The following ZSCAN29 variants were observed in gnomAD, a reference collection of about 807,000 sequenced individuals.
The protein encoded by ZSCAN29 is zinc finger and SCAN domain-containing protein 29.
Under a neutral mutation model 71.9 loss-of-function variants are expected in ZSCAN29, and 55 were observed. The ratio of observed to expected loss-of-function variants is 0.76; its 90% CI spans 0.62 to 0.96. ZSCAN29 has a LOEUF of 0.96. Ranked by LOEUF, ZSCAN29 falls within the 40% of genes least tolerant of loss-of-function variation. The probability of loss-of-function intolerance (pLI) is 0.00; values close to 1 mark genes in which losing one functional copy is unlikely to be tolerated. For missense variants in ZSCAN29, 1,042 were observed against 1,042.2 expected (o/e 1.00, Z 0.00); for synonymous variants, 351 against 371.6 (o/e 0.94, Z 0.64).
chr15:43,366,430 T>C lies in ZSCAN29; in HGVS notation c.902A>G (p.Lys301Arg). The change falls in exon 4 of 6, where the codon AAG becomes AGG. Residue 301 changes from lysine to arginine, a missense_variant. Lys to Arg is a conservative substitution (Grantham distance 26). Transcript: ENST00000684362. ...ATAGCTCTTCTGGAGACCTTTGAAC[T>C]TGGTCCGACACTGTTCCAGGGTCCG... ...FLRTLEQCRT[K>R]FKGLQKSYRK... is the part of the protein sequence containing the mutation. The C allele has an allele frequency of 6.2e-7, 1 of 1,614,188 alleles. No individual in the cohort carries two copies. The highest frequency in any genetic ancestry group is 8.5e-7 in the Non-Finnish European group (1 of 1,180,040).
chr15:43,367,431 A>G (rs1196353934), intron 3 of ZSCAN29, among the ~76,000 whole-genome samples: 7 of 152,136 alleles, frequency 4.6e-5, no homozygotes, highest in African/African-American at 1.7e-4. Flanking sequence ...TTCAGAACAC[A>G]GCACACTGTT....
chr15:43,364,186 C>A lies in ZSCAN29; in HGVS notation c.1419G>T (p.Arg473=). ...CTGGTGCCTGGCCATTCTTAACTTT[C>A]CGATAGCTGGTTTGCAGGCTTTTAA... ...TKFKSLQTSY[R]KVKNGQAPET... Residue 473 remains arginine (R), a synonymous_variant, in exon 5 of 6, where the codon CGG becomes CGT. Transcript: ENST00000684362. 1 of 1,614,214 alleles carries A rather than the reference C, an allele frequency of 6.2e-7. No homozygotes were observed. The highest frequency in any genetic ancestry group is 8.5e-7 in the Non-Finnish European group (1 of 1,180,042).
chr15:43,366,886 T>C (rs531870555), intron 3 of ZSCAN29, 78 bp from the exon 4 acceptor site: 77 of 1,343,058 alleles, frequency 5.7e-5, no homozygotes, highest in Non-Finnish European at 2.0e-6. Context: ...AGTCCTGCCT[T>C]TTTCATCCAA....
chr15:43,369,361 A>G (rs1284887956), intron 2 of ZSCAN29: 1 of 593,096 alleles, frequency 1.7e-6, no homozygotes, highest in Non-Finnish European at 2.8e-6. Flanking sequence ...AAAAAAAAAA[A>G]TCCCCTTTCT....
intron 4 of ZSCAN29, chr15:43,364,631 G>A: frequency 1.9e-6 from 1 of 537,272 alleles, no homozygotes; most frequent in South Asian, 1.8e-5. Context: ...AAGCTGGCCA[G>A]GCACAGTGGC....
At chr15:43,368,186 G>A (rs117672353) in intron 3 of ZSCAN29, among the ~76,000 whole-genome samples, 1,594 of 152,238 alleles carry the variant, frequency 0.01, 16 homozygotes, top group Non-Finnish European at 0.018. Context: ...ATGATATTTG[G>A]AGAACTTAAA....
intron 5 of ZSCAN29, 35 bp downstream of exon 5, chr15:43,363,880 T>G (rs2044007407): frequency 6.5e-7 from 1 of 1,530,478 alleles, no homozygotes; most frequent in African/African-American, 1.4e-5. Flanking sequence ...TGTCTTCCCT[T>G]TGTTATTTAT....
At chr15:43,364,892 C>CAAAAAAAAAAAAAAAAAAAAA (rs57976198) in intron 4 of ZSCAN29, among the ~76,000 whole-genome samples, 1 of 38,938 alleles carries the variant, frequency 2.6e-5, no homozygotes, top group Admixed American at 2.8e-4. Flanking sequence ...GACTCTGTCT[C>CAAAAAAAAAAAAAAAAAAAAA]AAAAAAAAAA....
At position 43,366,131 on chromosome 15, in the gene ZSCAN29, C is replaced by G; in HGVS notation, c.1201G>C (p.Val401Leu). 3 of 1,612,004 alleles carry G rather than the reference C, an allele frequency of 1.9e-6. No individual in the cohort carries two copies. The highest frequency in any genetic ancestry group is 2.2e-5 in the South Asian group (2 of 90,950). The change falls in exon 4 of 6, where the codon GTT (valine) becomes CTT (leucine). Residue 401 changes from valine to leucine, a missense_variant. Val to Leu is a conservative substitution (Grantham distance 32). Transcript: ENST00000684362. ...TTACCACCTGGGCTTCTGAACACAA[C>G]AGGTGCAGCTGAGTTGGGGTCCTGG... is the stretch of plus-strand genomic sequence containing the variant. The part of the protein sequence containing the change: ...TPQDPNSAAP[V>L]VFRSPGGVHW...
chr15:43,361,444 C>T lies in ZSCAN29; in HGVS notation c.2188G>A (p.Gly730Arg), dbSNP rs1410756533. ...NFITHRRIHT[G>R]EKPYQCGECG... is the part of the protein sequence containing the mutation. ...TCACCACATTGATAAGGTTTCTCTC[C>T]TGTGTGGATTCTCCTATGGGTGATG... The change falls in exon 6 of 6, where the codon GGA becomes AGA. Residue 730 changes from glycine to arginine, a missense_variant. Gly to Arg is a moderately radical substitution (Grantham distance 125). Transcript: ENST00000684362. 8.1e-6 allele frequency: 13 copies of T among 1,613,796 alleles called. No homozygotes were observed. The South Asian group carries it at 1.4e-4, about 18-fold the overall frequency.
In ZSCAN29 at chr15:43,370,975, ACCCCGGCCCCGGCCCCGG is replaced by A. The variant is rs11279953; in HGVS notation, c.-548_-531del. 1.5e-4 allele frequency: 39 copies of A among 259,450 alleles called. No homozygotes were observed. Among genetic ancestry groups the A allele is most frequent in the African/African-American group, 7.6e-4 (34 of 44,480 alleles). 16.1% of individuals were successfully genotyped at this position (259,450 alleles called of 1,614,324 possible). A position where few individuals can be genotyped will look rare whatever the true frequency, so the allele number is the denominator to read the frequency against. ...CTCACCCACTCGGGGTCCGACCCTG[ACCCCGGCCCCGGCCCCGG>A]CCCCGGCCCCGGCTCTCCAGCCTCC... On this transcript the variant is annotated 5_prime_UTR_variant, in exon 1 of 6. Transcript: ENST00000684362.
intron 5 of ZSCAN29, 161 bp downstream of exon 5, chr15:43,363,754 A>G (rs56059411): frequency 0.047 from 28,205 of 605,950 alleles, 836 homozygotes; most frequent in Middle Eastern, 0.079. Flanking sequence ...AATAATTTAT[A>G]TCCCCTCAGT....
At chr15:43,369,515 C>G in intron 2 of ZSCAN29, 81 bp downstream of exon 2, 1 of 1,449,734 alleles carries the variant, frequency 6.9e-7, no homozygotes, top group Non-Finnish European at 9.4e-7. Flanking sequence ...GACTGTGTCC[C>G]TCTTTAAGCC....
rs2044009536 is a variant in ZSCAN29 at position 43,363,986 on chromosome 15, T to A, written c.1619A>T (p.Asp540Val). The A allele has an allele frequency of 6.2e-7, 1 of 1,614,212 alleles. No individual in the cohort carries two copies. Among genetic ancestry groups the A allele is most frequent in the Non-Finnish European group, 8.5e-7 (1 of 1,180,036 alleles). The change falls in exon 5 of 6, where the codon GAT (aspartate) becomes GTT (valine). Residue 540 changes from aspartate (D) to valine (V), a missense_variant. Coordinates refer to ENST00000684362, the MANE Select transcript of ZSCAN29 (RefSeq NM_001372080.1). ...TGGGGGTATCTCAGTATCCTCTTCA[T>A]CATCATCAGAATCTTCCTCTGTGGC... ...DEATEEDSDD[D>V]EEDTEIPPGA...
chr15:43,362,275 T>C (rs1488695905), intron 5 of ZSCAN29, among the ~76,000 whole-genome samples: 1 of 152,218 alleles, frequency 6.6e-6, no homozygotes, highest in Admixed American at 6.5e-5. Context: ...AAAGACACTT[T>C]CTAATACGTA....
intron 5 of ZSCAN29, among the ~76,000 whole-genome samples, chr15:43,363,110 T>C (rs913518163): frequency 6.6e-6 from 1 of 152,056 alleles, no homozygotes; most frequent in South Asian, 2.1e-4. Flanking sequence ...CCCAAGTAGC[T>C]GGGATTACAG....
chr15:43,369,397 ACT>A lies in ZSCAN29; in HGVS notation c.318+197_318+198del. ...TCCCTATTAAGAAACTATAGGAAAA[ACT>A]CATTATGACAGGGTAGGTGAAGGTA... On this transcript the variant is annotated intron_variant, in intron 2 of 5. Transcript: ENST00000684362. 4 of 621,318 alleles carry A rather than the reference ACT, an allele frequency of 6.4e-6. No homozygotes were observed. In the South Asian group the frequency reaches 1.1e-4, roughly 17 times the overall value. 38.5% of individuals were successfully genotyped at this position (621,318 alleles called of 1,614,324 possible). A position where few individuals can be genotyped will look rare whatever the true frequency, so the allele number is the denominator to read the frequency against.
intron 3 of ZSCAN29, among the ~76,000 whole-genome samples, chr15:43,367,604 T>C (rs1031587214): frequency 1.3e-5 from 2 of 152,186 alleles, no homozygotes; most frequent in Admixed American, 6.5e-5. Context: ...GGGCAAGTCA[T>C]TGTCTGGCAC....
chr15:43,364,097 T>C lies in ZSCAN29; in HGVS notation c.1508A>G (p.Asn503Ser), dbSNP rs147749773. The change falls in exon 5 of 6, where the codon AAT (asparagine) becomes AGT (serine). Residue 503 changes from asparagine (N) to serine (S), a missense_variant. Coordinates refer to ENST00000684362, the MANE Select transcript of ZSCAN29 (RefSeq NM_001372080.1). ...AGAAGCAGTCTCTTCCTGGCCATCA[T>C]TGGGTGGGGCAGCAACCCGGACACT... is the stretch of plus-strand genomic sequence containing the variant. ...LVSVRVAAPP[N>S]DGQEETASCP... is the part of the protein sequence containing the mutation. 48 of 1,614,150 alleles carry C rather than the reference T, an allele frequency of 3.0e-5. No individual in the cohort carries two copies. Among genetic ancestry groups the C allele is most frequent in the Admixed American group, 1.0e-4 (6 of 60,020 alleles).
Sources: gnomAD v4.1 joint callset for allele counts (sites outside exome capture counted in the v4.1 genomes callset) on GRCh38, gnomAD v4.1.1 for gene constraint, MANE v1.5 for transcripts, NCBI Gene and HGNC (gene_info 2026-07-23, HGNC 2026-07-21) for gene names.